Variants in MICU1 observed in about 807,000 individuals in gnomAD.
MICU1 encodes mitochondrial calcium uptake 1.
MICU1 carries 45 observed loss-of-function variants against 56.8 expected under a neutral mutation model. That is an observed-to-expected ratio of 0.79 (90% CI 0.62 to 1.02). The LOEUF (loss-of-function observed/expected upper bound fraction) is 1.02, where lower values mean the gene tolerates loss of function less well. Among genes scored for constraint, MICU1 ranks in the 50% least tolerant of loss-of-function variants. The probability of loss-of-function intolerance (pLI) is 0.00; values close to 1 mark genes in which losing one functional copy is unlikely to be tolerated. For missense variants in MICU1, 504 were observed against 587.1 expected, an observed-to-expected ratio of 0.86 and a Z score of 1.46; for synonymous variants, 186 against 195.1, an observed-to-expected ratio of 0.95 and a Z score of 0.39.
chr10:72,586,042 T>C (rs1283842452), intron 1 of MICU1, among the ~76,000 whole-genome samples: 1 of 113,186 alleles, frequency 8.8e-6, no homozygotes, highest in Non-Finnish European at 1.8e-5. Context: ...TGAGACAGGG[T>C]ATCGCTCTGT....
intron 6 of MICU1, among the ~76,000 whole-genome samples, chr10:72,479,457 GC>G (rs1866222360): frequency 6.6e-6 from 1 of 152,228 alleles, no homozygotes; most frequent in Admixed American, 6.5e-5. Flanking sequence ...CCTGTGTTAT[GC>G]TCAGGAGTTT....
chr10:72,512,100 G>GTTTTTTTTTTTTTTT (rs1199987987), intron 5 of MICU1, among the ~76,000 whole-genome samples: 10 of 82,336 alleles, frequency 1.2e-4, no homozygotes, highest in African/African-American at 5.2e-4. Flanking sequence ...ATACACAGTT[G>GTTTTTTTTTTTTTTT]TTTTTTGTTT....
chr10:72,405,576 CAA>C (rs60182582), intron 10 of MICU1, among the ~76,000 whole-genome samples: 5 of 129,660 alleles, frequency 3.9e-5, no homozygotes, highest in Middle Eastern at 3.9e-3. Flanking sequence ...AAAGACATTA[CAA>C]AAAAAAAAAA....
intron 11 of MICU1, among the ~76,000 whole-genome samples, chr10:72,370,999 C>A (rs1862313524): frequency 6.6e-6 from 1 of 151,796 alleles, no homozygotes. Context: ...TCACTGCACT[C>A]CAGCCTGGGT....
chr10:72,461,126 T>C (rs571688052), intron 8 of MICU1, among the ~76,000 whole-genome samples: 1 of 152,268 alleles, frequency 6.6e-6, no homozygotes, highest in East Asian at 1.9e-4. Flanking sequence ...CTAATTTTAA[T>C]CTGTTTCTTA....
chr10:72,566,556 T>G (rs1840443625), intron 2 of MICU1, 77 bp downstream of exon 2: 1 of 1,417,458 alleles, frequency 7.1e-7, no homozygotes, highest in East Asian at 2.5e-5. Flanking sequence ...AAGCCAGAAA[T>G]CAACTCCTTT....
intron 6 of MICU1, among the ~76,000 whole-genome samples, chr10:72,482,716 T>C (rs900177606): frequency 2.0e-5 from 3 of 151,884 alleles, no homozygotes; most frequent in Non-Finnish European, 2.9e-5. Context: ...ATATAAACTA[T>C]TATCATGTCT....
At position 72,432,087 on chromosome 10, in the gene MICU1, C is replaced by CTT. The variant is rs35109632; in HGVS notation, c.934-8718_934-8717dup. On this transcript the variant is annotated intron_variant, in intron 8 of 11. Transcript: ENST00000361114. ...TATTTGCTTTTTGTTAATGTATTGC[C>CTT]TTTTTTTTTTTTTTTTTTTAATTTG... 2.5e-3 allele frequency among the ~76,000 whole-genome samples: 300 copies of CTT among 120,470 alleles called. 1 individual carries two copies. The highest frequency in any genetic ancestry group is 8.9e-3 in the African/African-American group (282 of 31,842). The allele number at this position is 120,470 out of a possible 152,430, so 79.0% of individuals were successfully genotyped here.
At chr10:72,439,427 A>G (rs994765879) in intron 8 of MICU1, among the ~76,000 whole-genome samples, 2 of 152,206 alleles carry the variant, frequency 1.3e-5, no homozygotes, top group Admixed American at 1.3e-4. Context: ...ATTTATGACA[A>G]ACCCATAGCC....
At chr10:72,603,322 G>T (rs1306030877) in intron 1 of MICU1, among the ~76,000 whole-genome samples, 1 of 151,082 alleles carries the variant, frequency 6.6e-6, no homozygotes, top group Non-Finnish European at 1.5e-5. Flanking sequence ...GGGAGATGGA[G>T]GTTGCAGTGA....
intron 1 of MICU1, among the ~76,000 whole-genome samples, chr10:72,575,198 T>G (rs1458639891): frequency 6.6e-6 from 1 of 152,140 alleles, no homozygotes; most frequent in Non-Finnish European, 1.5e-5. Context: ...CATGCCCAAC[T>G]TTTTGGAAAC....
chr10:72,377,568 T>G (rs1862566683), intron 10 of MICU1, among the ~76,000 whole-genome samples: 1 of 152,202 alleles, frequency 6.6e-6, no homozygotes, highest in Non-Finnish European at 1.5e-5. Context: ...TGGGTTCTCA[T>G]GAAAGACAAG....
At chr10:72,532,055 C>T (rs999197714) in intron 5 of MICU1, among the ~76,000 whole-genome samples, 1 of 151,724 alleles carries the variant, frequency 6.6e-6, no homozygotes, top group African/African-American at 2.4e-5. Flanking sequence ...TGGTGGCTCA[C>T]GCCTGTAATC....
intron 1 of MICU1, among the ~76,000 whole-genome samples, chr10:72,591,559 C>T (rs1367059199): frequency 6.6e-6 from 1 of 151,980 alleles, no homozygotes. Flanking sequence ...ACAGATTTTA[C>T]AGAAATAAAA....
intron 6 of MICU1, among the ~76,000 whole-genome samples, chr10:72,495,115 T>C (rs1465775236): frequency 1.3e-5 from 2 of 152,190 alleles, no homozygotes; most frequent in African/African-American, 4.8e-5. Context: ...TGACAGATTC[T>C]AGAAGGCAAG....
chr10:72,371,999 T>C (rs75158879), intron 11 of MICU1, among the ~76,000 whole-genome samples: 3,133 of 150,224 alleles, frequency 0.021, 106 homozygotes, highest in East Asian at 0.11. Context: ...GGAGTTGCAG[T>C]GAGCCAACAT....
chr10:72,408,748 C>T (rs371783561), intron 9 of MICU1, among the ~76,000 whole-genome samples: 1 of 152,170 alleles, frequency 6.6e-6, no homozygotes, highest in South Asian at 2.1e-4. Flanking sequence ...TAATAGTCTG[C>T]TCACAGGCCA....
At chr10:72,514,906 C>A (rs1350933682) in intron 5 of MICU1, among the ~76,000 whole-genome samples, 1 of 152,142 alleles carries the variant, frequency 6.6e-6, no homozygotes, top group African/African-American at 2.4e-5. Context: ...AAGCCTCTTC[C>A]TTCCCAGGCT....
chr10:72,604,271 C>CTTTT (rs869141348), intron 1 of MICU1, among the ~76,000 whole-genome samples: 5 of 128,730 alleles, frequency 3.9e-5, no homozygotes, highest in Admixed American at 2.4e-4. Flanking sequence ...CTTTCCTGCC[C>CTTTT]TTTTTTTTTT....
Sources: allele counts gnomAD v4.1 joint callset (sites outside exome capture counted in the v4.1 genomes callset), GRCh38; gene constraint gnomAD v4.1.1; transcripts MANE v1.5; gene names NCBI Gene and HGNC (gene_info 2026-07-23, HGNC 2026-07-21).